SLC2A9: variants seen among roughly 807,000 people sequenced by gnomAD.
The protein encoded by SLC2A9 is solute carrier family 2 member 9, also known as solute carrier family 2, facilitated glucose transporter member 9.
A neutral mutation model predicts 50.6 loss-of-function variants in SLC2A9; 39 were observed. The ratio of observed to expected loss-of-function variants is 0.77; its 90% CI spans 0.60 to 1.01. The LOEUF (loss-of-function observed/expected upper bound fraction) is 1.01. SLC2A9 is among the 50% of genes least tolerant of loss of function. SLC2A9 has a pLI of 0.00. For synonymous variants in SLC2A9, 324 were observed against 276.9 expected (o/e 1.17, Z -1.69); for missense variants, 686 against 677.6 (o/e 1.01, Z -0.14).
chr4:9,974,004 C>G (rs757943907), intron 5 of SLC2A9, among the ~76,000 whole-genome samples: 2 of 152,078 alleles, frequency 1.3e-5, no homozygotes, highest in Non-Finnish European at 2.9e-5. Flanking sequence ...TCCTGGGATG[C>G]AAGGTTAGTT....
At chr4:9,900,594 C>T (rs761671251) in intron 8 of SLC2A9, among the ~76,000 whole-genome samples, 1 of 152,058 alleles carries the variant, frequency 6.6e-6, no homozygotes, top group Non-Finnish European at 1.5e-5. Context: ...CCAGTCCTCA[C>T]CCCATGAGGA....
At chr4:9,929,575 T>TACC (rs1745526413) in intron 6 of SLC2A9, among the ~76,000 whole-genome samples, 2 of 152,192 alleles carry the variant, frequency 1.3e-5, no homozygotes, top group Non-Finnish European at 2.9e-5. Flanking sequence ...TGGGCAAACA[T>TACC]TGGCCCATAC....
chr4:9,848,330 G>A (rs930697313), intron 10 of SLC2A9, among the ~76,000 whole-genome samples: 1 of 150,372 alleles, frequency 6.7e-6, no homozygotes, highest in Non-Finnish European at 1.5e-5. Context: ...CAAGCCTGTG[G>A]TCTCACCACA....
At chr4:10,025,267 A>T (rs149479308), upstream of SLC2A9, among the ~76,000 whole-genome samples, 2 of 152,350 alleles carry the variant, frequency 1.3e-5, no homozygotes, top group East Asian at 3.9e-4. Context: ...TACTAGCCAC[A>T]TAGCCTTGGA....
chr4:9,961,685 C>T (rs1325123737), intron 5 of SLC2A9, among the ~76,000 whole-genome samples: 2 of 152,064 alleles, frequency 1.3e-5, no homozygotes, highest in Admixed American at 6.6e-5. Flanking sequence ...ACATCAAAAG[C>T]AAAAATTGAC....
intron 9 of SLC2A9, among the ~76,000 whole-genome samples, chr4:9,889,596 C>A (rs987290592): frequency 6.6e-6 from 1 of 152,322 alleles, no homozygotes; most frequent in African/African-American, 2.4e-5. Context: ...TGCTTGCCAG[C>A]CCCACCTCTT....
At chr4:9,932,525 G>C (rs913687595) in intron 6 of SLC2A9, among the ~76,000 whole-genome samples, 1 of 152,208 alleles carries the variant, frequency 6.6e-6, no homozygotes, top group Non-Finnish European at 1.5e-5. Context: ...AAGTGGCAGT[G>C]AGAAGAGGGG....
chr4:9,886,882 G>A (rs139306583), intron 10 of SLC2A9, among the ~76,000 whole-genome samples: 176 of 152,314 alleles, frequency 1.2e-3, no homozygotes, highest in African/African-American at 4.0e-3. Context: ...CCTTGTCGTT[G>A]TACAGATGGG....
At chr4:9,829,298 A>C (rs1725649354) in intron 11 of SLC2A9, among the ~76,000 whole-genome samples, 1 of 151,992 alleles carries the variant, frequency 6.6e-6, no homozygotes, top group African/African-American at 2.4e-5. Flanking sequence ...CAGCTACTTG[A>C]GAGACTGAGG....
intron 6 of SLC2A9, 58 bp downstream of exon 6, chr4:9,941,855 C>T: frequency 6.2e-7 from 1 of 1,610,926 alleles, no homozygotes; most frequent in Non-Finnish European, 8.5e-7. Context: ...CCCAGCATGC[C>T]TTGCAGTGAT....
chr4:10,003,914 C>T (rs149912122), intron 2 of SLC2A9, among the ~76,000 whole-genome samples: 1 of 152,326 alleles, frequency 6.6e-6, no homozygotes, highest in African/African-American at 2.4e-5. Flanking sequence ...TTACCCTCCA[C>T]AAGGGTACTA....
At chr4:9,974,874 C>T (rs1265074982) in intron 5 of SLC2A9, among the ~76,000 whole-genome samples, 1 of 152,124 alleles carries the variant, frequency 6.6e-6, no homozygotes, top group East Asian at 1.9e-4. Flanking sequence ...CCTACAGTAA[C>T]CAAAACAGTA....
downstream of SLC2A9, among the ~76,000 whole-genome samples, chr4:9,797,588 A>T (rs1720741717): frequency 6.6e-6 from 1 of 152,326 alleles, no homozygotes; most frequent in South Asian, 2.1e-4. Context: ...AACTTCAATC[A>T]TCTGAAGGAA....
downstream of SLC2A9, among the ~76,000 whole-genome samples, chr4:9,823,369 C>T (rs1400115333): frequency 1.3e-5 from 2 of 152,146 alleles, no homozygotes; most frequent in Admixed American, 6.6e-5. Flanking sequence ...AAGCAAAGCT[C>T]ATGAAAATGT....
intron 3 of SLC2A9, among the ~76,000 whole-genome samples, chr4:9,820,100 CT>C (rs1271137948): frequency 6.6e-6 from 1 of 152,066 alleles, no homozygotes; most frequent in Non-Finnish European, 1.5e-5. Context: ...TTTTTCTAAA[CT>C]TTTTCTAATT....
chr4:9,982,047 A>G (rs544724359), intron 4 of SLC2A9, among the ~76,000 whole-genome samples: 8 of 152,146 alleles, frequency 5.3e-5, no homozygotes, highest in African/African-American at 1.9e-4. Flanking sequence ...ACGCCCAGCT[A>G]ATTTTTGTAT....
At chr4:10,001,493 G>A (rs1307502328) in intron 2 of SLC2A9, among the ~76,000 whole-genome samples, 1 of 152,126 alleles carries the variant, frequency 6.6e-6, no homozygotes, top group Middle Eastern at 3.2e-3. Context: ...TAGAACTATG[G>A]AATAACACAT....
intron 3 of SLC2A9, chr4:9,782,919 C>G (rs763209393): frequency 6.2e-7 from 1 of 1,613,984 alleles, no homozygotes; most frequent in South Asian, 1.1e-5. Context: ...GTTCTCAAGA[C>G]CCTGTCGGTG....
chr4:9,926,627 T>A (rs2110129162), intron 6 of SLC2A9, among the ~76,000 whole-genome samples: 1 of 152,050 alleles, frequency 6.6e-6, no homozygotes, highest in South Asian at 2.1e-4. Context: ...TGGCAGAGGG[T>A]ACAAAATGCT....
Sources: gnomAD v4.1 joint callset for allele counts (sites outside exome capture counted in the v4.1 genomes callset) on GRCh38, gnomAD v4.1.1 for gene constraint, MANE v1.5 for transcripts, NCBI Gene and HGNC (gene_info 2026-07-23, HGNC 2026-07-21) for gene names.